Variants in PUM3 observed in about 807,000 individuals in gnomAD.
PUM3 encodes the protein pumilio homolog 3.
In PUM3, 91 loss-of-function variants were observed where a neutral mutation model predicts 84.0. That is an observed-to-expected ratio of 1.08 (90% CI 0.91 to 1.29). The LOEUF is 1.29. Ranked by LOEUF, PUM3 falls within the 50% of genes most tolerant of loss-of-function variation. The probability of loss-of-function intolerance (pLI) is 0.00; values close to 1 mark genes in which losing one functional copy is unlikely to be tolerated. For missense variants in PUM3, 1,067 were observed against 767.5 expected, an observed-to-expected ratio of 1.39 and a Z score of -4.61; for synonymous variants, 321 against 266.7, an observed-to-expected ratio of 1.20 and a Z score of -1.98.
Position 2,828,717 on chromosome 9 carries a change from A to G in PUM3, c.914T>C (p.Ile305Thr), listed in dbSNP as rs758646587. 27 of 1,609,014 alleles carry G rather than the reference A, an allele frequency of 1.7e-5. No individual in the cohort carries two copies. The East Asian group carries it at 4.5e-4, about 27-fold the overall frequency. ...TAGAATCTGTTTCATTTCATCCATA[A>G]TAAGTTCTAATTTTTCTGGCTGTAC... is the stretch of plus-strand genomic sequence containing the variant. ...LEVQPEKLEL[I>T]MDEMKQILTP... The change falls in exon 9 of 18, where the codon ATT becomes ACT. Residue 305 changes from isoleucine (I) to threonine (T), a missense_variant. Coordinates refer to ENST00000397885, the MANE Select transcript of PUM3 (RefSeq NM_014878.5).
intron 10 of PUM3, among the ~76,000 whole-genome samples, chr9:2,826,460 G>A (rs1815822245): frequency 6.6e-6 from 1 of 152,102 alleles, no homozygotes; most frequent in Non-Finnish European, 1.5e-5. Context: ...ATAGTCTGGC[G>A]TTATTTGTTA....
intron 12 of PUM3, among the ~76,000 whole-genome samples, chr9:2,822,331 G>T (rs1043197823): frequency 1.3e-5 from 2 of 151,998 alleles, no homozygotes; most frequent in African/African-American, 4.8e-5. Context: ...TAGACCATAT[G>T]TTAGGCCATA....
At chr9:2,820,800 T>C (rs1586721980) in intron 12 of PUM3, among the ~76,000 whole-genome samples, 1 of 152,338 alleles carries the variant, frequency 6.6e-6, no homozygotes, top group East Asian at 1.9e-4. Context: ...AATACACATG[T>C]GGCTTTCACA....
In PUM3 at chr9:2,823,791, T is replaced by G. The variant is rs763808813; in HGVS notation, c.1178A>C (p.Lys393Thr). 3.4e-6 allele frequency: 5 copies of G among 1,475,008 alleles called. No homozygotes were observed. In the African/African-American group the frequency reaches 5.6e-5, roughly 16 times the overall value. 91.4% of individuals were successfully genotyped at this position (1,475,008 alleles called of 1,614,324 possible). Reference sequence around the variant, plus strand: ...TTTTATTATACTTACATTAGCCACCTTTTCAACATAAGTCTTCATTGTTTT... The same window carrying G: ...TTTTATTATACTTACATTAGCCACCGTTTCAACATAAGTCTTCATTGTTTT... ...IVKTMKTYVE[K>T]VANGQYSHLV... The change falls in exon 12 of 18, where the codon AAG becomes ACG. Residue 393 changes from lysine to threonine, a missense_variant. Lys to Thr is a moderately conservative substitution (Grantham distance 78, BLOSUM62 -1). Transcript: ENST00000397885.
At chr9:2,815,104 G>T (rs1231859682) in intron 13 of PUM3, among the ~76,000 whole-genome samples, 1 of 151,922 alleles carries the variant, frequency 6.6e-6, no homozygotes. Context: ...ACTCCCTTTT[G>T]GTTTGTAATT....
chr9:2,806,845 A>G (rs1821267980), intron 17 of PUM3, among the ~76,000 whole-genome samples: 1 of 152,244 alleles, frequency 6.6e-6, no homozygotes, highest in African/African-American at 2.4e-5. Flanking sequence ...GAAGGAAATT[A>G]CATGTAGAAT....
chr9:2,838,008 G>C (rs1336290399), intron 2 of PUM3, among the ~76,000 whole-genome samples: 1 of 152,106 alleles, frequency 6.6e-6, no homozygotes, highest in East Asian at 1.9e-4. Flanking sequence ...TTAATCATTT[G>C]TATAGTCCCT....
In PUM3 at chr9:2,811,526, C is replaced by A. The variant is rs1307482106; in HGVS notation, c.1470G>T (p.Leu490Phe). 6.2e-7 allele frequency: 1 copy of A among 1,614,034 alleles called. No individual in the cohort carries two copies. Among genetic ancestry groups the A allele is most frequent in the African/African-American group, 1.3e-5 (1 of 74,926 alleles). The change falls in exon 15 of 18, where the codon TTG (leucine) becomes TTT (phenylalanine). Residue 490 changes from leucine to phenylalanine, a missense_variant. Physicochemically the swap from Leu to Phe is conservative, Grantham distance 22 (BLOSUM62 0). Transcript: ENST00000397885. Reference sequence around the variant, plus strand: ...GGGCGTGTTCTTGCAGGTAGCTTAACAAAGCTGGAGAAATGGATTCTAGGA... The same window carrying A: ...GGGCGTGTTCTTGCAGGTAGCTTAAAAAAGCTGGAGAAATGGATTCTAGGA... ...RELLESISPA[L>F]LSYLQEHAQE...
chr9:2,827,876 G>GT (rs1742614428), intron 9 of PUM3, among the ~76,000 whole-genome samples: 1 of 152,118 alleles, frequency 6.6e-6, no homozygotes, highest in South Asian at 2.1e-4. Flanking sequence ...GCACAGGGAG[G>GT]TTAAGTTGCC....
intron 13 of PUM3, among the ~76,000 whole-genome samples, chr9:2,814,128 C>T (rs547614366): frequency 8.5e-5 from 13 of 152,148 alleles, no homozygotes; most frequent in Admixed American, 2.6e-4. Context: ...CAGTAACAAA[C>T]GGGAAAACAC....
rs79483779 is a variant in PUM3, at chr9:2,812,387, A to G, written c.1270-25T>C. 5 of 1,463,116 alleles carry G rather than the reference A, an allele frequency of 3.4e-6. No individual in the cohort carries two copies. In the Admixed American group the frequency reaches 7.6e-5, roughly 22 times the overall value. 90.6% of individuals were successfully genotyped at this position (1,463,116 alleles called of 1,614,324 possible). On this transcript the variant is annotated intron_variant, in intron 13 of 17. Transcript: ENST00000397885. ...CCTATAAAATTATAAACAAAAAAAA[A>G]GAATCAATATCTGCATTCTCAAAAC...
In PUM3 at chr9:2,830,994, C is replaced by T. The variant is rs750008091; in HGVS notation, c.645G>A (p.Ser215=). The T allele has an allele frequency of 1.9e-5, 28 of 1,489,458 alleles. No individual in the cohort carries two copies. The highest frequency in any genetic ancestry group is 1.7e-4 in the Middle Eastern group (1 of 5,830). The allele number at this position is 1,489,458 out of a possible 1,614,324, so 92.3% of individuals were successfully genotyped here. ...TGAGAAATTTCTTAACAATATTTCT[C>T]GAATATTTGGCTTTACTTAACTCAA... ...DLVELSKAKY[S]RNIVKKFLMY... Residue 215 remains serine, a synonymous_variant, in exon 7 of 18, where the codon TCG becomes TCA. Coordinates refer to ENST00000397885, the MANE Select transcript of PUM3 (RefSeq NM_014878.5).
chr9:2,830,727 T>A (rs1164541159), intron 7 of PUM3, among the ~76,000 whole-genome samples: 1 of 152,166 alleles, frequency 6.6e-6, no homozygotes, highest in Non-Finnish European at 1.5e-5. Flanking sequence ...TTCAAGGAGA[T>A]TTGCAGGACA....
At chr9:2,806,967 G>C (rs562143902) in intron 17 of PUM3, among the ~76,000 whole-genome samples, 2 of 151,538 alleles carry the variant, frequency 1.3e-5, no homozygotes, top group East Asian at 2.0e-4. Context: ...CCAGCACTTT[G>C]GGAGCCCGAG....
Position 2,823,742 on chromosome 9 carries a change from A to G in PUM3, c.1188+39T>C, listed in dbSNP as rs1815730573. The G allele has an allele frequency of 7.4e-6, 7 of 945,666 alleles. No homozygotes were observed. The East Asian group carries it at 1.7e-4, about 22-fold the overall frequency. The allele number at this position is 945,666 out of a possible 1,614,324, so 58.6% of individuals were successfully genotyped here. ...ATAATAGACATGAATTCATCTTACT[A>G]TCAAAAATAATTAGAATATGTAGTT... On this transcript the variant is annotated intron_variant, in intron 12 of 17. Coordinates refer to ENST00000397885, the MANE Select transcript of PUM3 (RefSeq NM_014878.5).
rs1298559671 is a variant in PUM3, at chr9:2,829,900, C to T, written c.726G>A (p.Val242=). Residue 242 remains valine (V), a synonymous_variant, in exon 8 of 18, where the codon GTG becomes GTA. Coordinates refer to ENST00000397885, the MANE Select transcript of PUM3 (RefSeq NM_014878.5). ...CTTCCGCATGCCGCAGCATCTTCCT[C>T]ACGTGGCCTTTAAAACTTCTGATTA... The part of the protein sequence containing the change: ...AEIIRSFKGH[V]RKMLRHAEAS... The T allele has an allele frequency of 6.2e-7, 1 of 1,613,820 alleles. No homozygotes were observed. Among genetic ancestry groups the T allele is most frequent in the Non-Finnish European group, 8.5e-7 (1 of 1,179,858 alleles).
chr9:2,819,769 A>G (rs780106436), intron 13 of PUM3, among the ~76,000 whole-genome samples: 16 of 152,244 alleles, frequency 1.1e-4, no homozygotes, highest in Non-Finnish European at 2.2e-4. Context: ...AATCCAAAAT[A>G]AAAGTGTTAA....
chr9:2,810,929 G>A (rs1001281770), intron 15 of PUM3, among the ~76,000 whole-genome samples: 5 of 152,128 alleles, frequency 3.3e-5, no homozygotes, highest in African/African-American at 4.8e-5. Context: ...AATACCAAGC[G>A]TTCCCAGTTA....
intron 1 of PUM3, among the ~76,000 whole-genome samples, chr9:2,840,689 G>A (rs1264117157): frequency 6.6e-6 from 1 of 152,070 alleles, no homozygotes; most frequent in African/African-American, 2.4e-5. Flanking sequence ...TCCAGCCAGG[G>A]GGAAGTTTCT....
Sources: allele counts gnomAD v4.1 joint callset (sites outside exome capture counted in the v4.1 genomes callset), GRCh38; gene constraint gnomAD v4.1.1; transcripts MANE v1.5; gene names NCBI Gene and HGNC (gene_info 2026-07-23, HGNC 2026-07-21).